The following LRPAP1 variants were observed in gnomAD, a reference collection of about 807,000 sequenced individuals.
LRPAP1 encodes the protein LDL receptor related protein associated protein 1.
A neutral mutation model predicts 39.9 loss-of-function variants in LRPAP1; 41 were observed. That is an observed-to-expected ratio of 1.03 (90% confidence interval 0.80 to 1.33). LRPAP1 has a LOEUF of 1.33. LRPAP1 is among the 40% of genes most tolerant of loss of function. The pLI is 0.00. For synonymous variants in LRPAP1, 263 were observed against 212.7 expected, an observed-to-expected ratio of 1.24 and a Z score of -2.06; for missense variants, 565 against 482.3, an observed-to-expected ratio of 1.17 and a Z score of -1.61.
At chr4:3,524,845 G>T in intron 2 of LRPAP1, 62 bp downstream of exon 2, 1 of 1,572,016 alleles carries the variant, frequency 6.4e-7, no homozygotes, top group Non-Finnish European at 8.7e-7. Flanking sequence ...CCAAAACACT[G>T]CCGCTCTCAA....
Position 3,518,889 on chromosome 4 carries a change from T to C in LRPAP1, c.574A>G (p.Thr192Ala). The C allele has an allele frequency of 1.2e-6, 2 of 1,608,940 alleles. No homozygotes were observed. The highest frequency in any genetic ancestry group is 1.7e-6 in the Non-Finnish European group (2 of 1,178,348). ...KVHEYNVLLE[T>A]LSRTEEIHEN... ...GGGGCACCTTCGGTCCTGCTCAGGG[T>C]CTCCAGCAGGACGTTGTACTCGTGA... The change falls in exon 4 of 8, where the codon ACC (threonine) becomes GCC (alanine). Residue 192 changes from threonine (T) to alanine (A), a missense_variant. Transcript: ENST00000650182.
chr4:3,515,139 G>C (rs1017035482), intron 6 of LRPAP1, among the ~76,000 whole-genome samples: 1 of 152,172 alleles, frequency 6.6e-6, no homozygotes, highest in East Asian at 1.9e-4. Flanking sequence ...GCCCTAAGCC[G>C]ACCCCTTCCC....
At position 3,503,897 on chromosome 4, in the gene LRPAP1, G is replaced by C. The variant is rs990503302; in HGVS notation, c.*9077C>G. Reference sequence around the variant, plus strand: ...GAAGGTAGAAACAAGGGAGAAGTGAGGGACCCAGGGGCCCAGGAAGGTCGT... The same window carrying C: ...GAAGGTAGAAACAAGGGAGAAGTGACGGACCCAGGGGCCCAGGAAGGTCGT... On this transcript the variant is annotated 3_prime_UTR_variant, in exon 8 of 8. Transcript: ENST00000650182. 1 of 152,340 alleles carries C rather than the reference G, an allele frequency of 6.6e-6. No individual in the cohort carries two copies. Among genetic ancestry groups the C allele is most frequent in the African/African-American group, 2.4e-5 (1 of 41,468 alleles). The allele number at this position is 152,340 out of a possible 1,614,324, so 9.4% of individuals were successfully genotyped here.
In LRPAP1 at chr4:3,505,284, C is replaced by A. The variant is rs1011434638; in HGVS notation, c.*7690G>T. Among the ~76,000 whole-genome samples, 1 of 152,208 alleles carries A rather than the reference C, an allele frequency of 6.6e-6. No individual in the cohort carries two copies. The highest frequency in any genetic ancestry group is 1.5e-5 in the Non-Finnish European group (1 of 68,018). On this transcript the variant is annotated 3_prime_UTR_variant, in exon 8 of 8. Transcript: ENST00000650182. ...GGCAGTGGTGGGGGAGCAGGCATGG[C>A]ACCCGGAGCACTGGAGCCCAATGCA... is the stretch of plus-strand genomic sequence containing the variant.
intron 1 of LRPAP1, among the ~76,000 whole-genome samples, chr4:3,528,904 G>A (rs1328875761): frequency 6.6e-6 from 1 of 152,214 alleles, no homozygotes; most frequent in Admixed American, 6.5e-5. Context: ...CAGGGGGGAC[G>A]CTTGAGAGCT....
At chr4:3,518,475 C>T (rs977021362) in intron 4 of LRPAP1, among the ~76,000 whole-genome samples, 2 of 152,224 alleles carry the variant, frequency 1.3e-5, no homozygotes, top group African/African-American at 4.8e-5. Flanking sequence ...CCCTGCCCTG[C>T]CCCCTCTCTG....
At chr4:3,514,562 G>T (rs373951883) in intron 7 of LRPAP1, among the ~76,000 whole-genome samples, 190 bp downstream of exon 7, 2 of 152,246 alleles carry the variant, frequency 1.3e-5, no homozygotes, top group African/African-American at 4.8e-5. Flanking sequence ...AAGCCCGGGG[G>T]GCTCCCCTAG....
chr4:3,522,202 C>A (rs1006351728), intron 2 of LRPAP1, among the ~76,000 whole-genome samples: 1 of 152,104 alleles, frequency 6.6e-6, no homozygotes, highest in South Asian at 2.1e-4. Flanking sequence ...CCCCTGAGCC[C>A]GAGAGGAGGA....
intron 3 of LRPAP1, 75 bp downstream of exon 3, chr4:3,519,997 C>A: frequency 6.4e-7 from 1 of 1,555,992 alleles, no homozygotes. Context: ...GCAGAGACTG[C>A]CCCTCACAGC....
At chr4:3,522,680 TGCCTGGGGAGGACAGACGCC>T (rs1729952895) in intron 2 of LRPAP1, among the ~76,000 whole-genome samples, 1 of 106,520 alleles carries the variant, frequency 9.4e-6, no homozygotes, top group Admixed American at 9.4e-5. Context: ...CCACACCCCC[TGCCTGGGGAGGACAGACGCC>T]GCCCCACACC....
At chr4:3,520,903 GTGTCTGTCACCACACGC>G (rs1350135865) in intron 2 of LRPAP1, among the ~76,000 whole-genome samples, 1 of 152,248 alleles carries the variant, frequency 6.6e-6, no homozygotes, top group Non-Finnish European at 1.5e-5. Context: ...TCTGTGGGCT[GTGTCTGTCACCACACGC>G]TGCCACCAAC....
Position 3,531,607 on chromosome 4 carries a change from C to G in LRPAP1, c.204+602G>C, listed in dbSNP as rs199804283. Among the ~76,000 whole-genome samples the G allele has an allele frequency of 9.2e-5, 14 of 152,266 alleles. No individual in the cohort carries two copies. The East Asian group carries it at 2.5e-3, about 27-fold the overall frequency. On this transcript the variant is annotated intron_variant, in intron 1 of 7. Transcript: ENST00000650182. The stretch of plus-strand genomic sequence containing the variant: ...CCGAGCCACCTTGGGGGTGCCCTTT[C>G]CCCTCGGGGCCTCCGTACCCTCATC...
intron 7 of LRPAP1, among the ~76,000 whole-genome samples, chr4:3,514,048 G>A (rs989480789): frequency 1.3e-5 from 2 of 152,328 alleles, no homozygotes; most frequent in Middle Eastern, 3.4e-3. Flanking sequence ...TCGCGGGAGC[G>A]CCCTGCAAAC....
rs563873694 is a variant in LRPAP1 at position 3,519,700 on chromosome 4, C to T, written c.471+372G>A. Reference sequence around the variant, plus strand: ...GAAAGCCCAGCCCCACACACGAGGGCACCTTTCTAATCACAGAGGCACGTC... The same window carrying T: ...GAAAGCCCAGCCCCACACACGAGGGTACCTTTCTAATCACAGAGGCACGTC... On this transcript the variant is annotated intron_variant, in intron 3 of 7. Coordinates refer to ENST00000650182, the MANE Select transcript of LRPAP1 (RefSeq NM_002337.4). Among the ~76,000 whole-genome samples, 10 of 152,288 alleles carry T rather than the reference C, an allele frequency of 6.6e-5. No individual in the cohort carries two copies. The South Asian group carries it at 2.1e-3, about 32-fold the overall frequency.
At chr4:3,515,281 C>T (rs1729657615) in intron 6 of LRPAP1, among the ~76,000 whole-genome samples, 1 of 152,188 alleles carries the variant, frequency 6.6e-6, no homozygotes, top group African/African-American at 2.4e-5. Context: ...TGCCTGGGCT[C>T]CACTGCTGCT....
intron 2 of LRPAP1, among the ~76,000 whole-genome samples, chr4:3,524,094 C>T (rs995592387): frequency 8.5e-5 from 13 of 152,146 alleles, no homozygotes; most frequent in African/African-American, 2.7e-4. Context: ...CTCGACTCTC[C>T]GGAGCAGCCC....
At chr4:3,521,819 A>G (rs2108692497) in intron 2 of LRPAP1, among the ~76,000 whole-genome samples, 1 of 152,330 alleles carries the variant, frequency 6.6e-6, no homozygotes, top group East Asian at 1.9e-4. Flanking sequence ...CCTGTCTTCC[A>G]TGGCAGGGAA....
chr4:3,517,741 G>A, intron 5 of LRPAP1: 1 of 332,668 alleles, frequency 3.0e-6, no homozygotes, highest in Non-Finnish European at 5.5e-6. Context: ...GCACGGGAGG[G>A]GCCGTGCTGC....
At chr4:3,519,073 G>A in intron 3 of LRPAP1, 82 bp from the exon 4 acceptor site, 4 of 1,563,610 alleles carry the variant, frequency 2.6e-6, no homozygotes, top group South Asian at 1.2e-5. Context: ...ACTCCTCATG[G>A]CCAGGCAGGC....
Sources: gnomAD v4.1 joint callset for allele counts (sites outside exome capture counted in the v4.1 genomes callset) on GRCh38, gnomAD v4.1.1 for gene constraint, MANE v1.5 for transcripts, NCBI Gene and HGNC (gene_info 2026-07-23, HGNC 2026-07-21) for gene names.